Variants in GRM5 observed in about 807,000 individuals in gnomAD.
GRM5 encodes metabotropic glutamate receptor 5.
In GRM5, 19 loss-of-function variants were observed where a neutral mutation model predicts 83.1. The observed-to-expected ratio is 0.23, with a 90% CI of 0.16 to 0.34. The LOEUF is 0.34. Ranked by LOEUF, GRM5 falls within the 10% of genes least tolerant of loss-of-function variation. GRM5 has a pLI of 1.00. For missense variants in GRM5, 1,160 were observed against 1,588.3 expected (o/e 0.73, Z 4.58); for synonymous variants, 675 against 633.6 (o/e 1.07, Z -0.98).
At chr11:88,683,376 A>G (rs1259975964) in intron 3 of GRM5, among the ~76,000 whole-genome samples, 1 of 152,242 alleles carries the variant, frequency 6.6e-6, no homozygotes, top group Non-Finnish European at 1.5e-5. Flanking sequence ...CTAGTGGTAC[A>G]TCATGTAAAC....
chr11:88,637,354 A>G (rs1486467962), intron 4 of GRM5, among the ~76,000 whole-genome samples: 1 of 151,358 alleles, frequency 6.6e-6, no homozygotes, highest in African/African-American at 2.4e-5. Flanking sequence ...AACTACCATC[A>G]GAGTGAACAG....
In GRM5 at chr11:88,592,686, T is replaced by C. The variant is rs552058339; in HGVS notation, c.1564-1959A>G. Reference sequence around the variant, plus strand: ...AGTGATAACTTAATATGTTTTCCTCTGATAATTTAGAAATTGTTTTATGTT... The same window carrying C: ...AGTGATAACTTAATATGTTTTCCTCCGATAATTTAGAAATTGTTTTATGTT... On this transcript the variant is annotated intron_variant, in intron 6 of 9. Coordinates refer to ENST00000305447, the MANE Select transcript of GRM5 (RefSeq NM_001143831.3). 9.1e-4 allele frequency among the ~76,000 whole-genome samples: 138 copies of C among 152,376 alleles called. 1 individual carries two copies. The highest frequency in any genetic ancestry group is 3.3e-3 in the African/African-American group (138 of 41,594).
intron 3 of GRM5, among the ~76,000 whole-genome samples, chr11:88,685,640 C>T (rs1486326248): frequency 1.3e-5 from 2 of 152,238 alleles, no homozygotes; most frequent in South Asian, 2.1e-4. Context: ...TGGGCCTGGC[C>T]CAGGGTCCCA....
intron 6 of GRM5, among the ~76,000 whole-genome samples, chr11:88,592,793 A>C (rs933415411): frequency 6.6e-6 from 1 of 152,064 alleles, no homozygotes; most frequent in African/African-American, 2.4e-5. Context: ...AACATTCTGG[A>C]AGTAGTGGTG....
At chr11:88,601,390 T>C (rs1257555923) in intron 5 of GRM5, among the ~76,000 whole-genome samples, 1 of 152,126 alleles carries the variant, frequency 6.6e-6, no homozygotes, top group Non-Finnish European at 1.5e-5. Context: ...TTCTTTTCTT[T>C]CTTTCTCTCT....
chr11:88,874,868 A>C (rs1334057330), intron 2 of GRM5, among the ~76,000 whole-genome samples: 1 of 151,936 alleles, frequency 6.6e-6, no homozygotes, highest in Non-Finnish European at 1.5e-5. Context: ...GTGCTATAAC[A>C]TTAGGTTTAA....
At chr11:88,900,793 AAGAT>A (rs955764076) in intron 2 of GRM5, among the ~76,000 whole-genome samples, 5 of 152,172 alleles carry the variant, frequency 3.3e-5, no homozygotes, top group Non-Finnish European at 7.4e-5. Context: ...AATAAATACT[AAGAT>A]AGAGGTAAGC....
At chr11:88,824,518 G>A (rs900251323) in intron 3 of GRM5, among the ~76,000 whole-genome samples, 24 of 152,122 alleles carry the variant, frequency 1.6e-4, no homozygotes, top group Admixed American at 9.2e-4. Flanking sequence ...ACAGTGGGGC[G>A]GGGCAGGGGG....
At chr11:89,038,018 T>C (rs189715987) in intron 2 of GRM5, among the ~76,000 whole-genome samples, 1 of 152,294 alleles carries the variant, frequency 6.6e-6, no homozygotes, top group Non-Finnish European at 1.5e-5. Flanking sequence ...TTTACTCTAG[T>C]CTATTTTAAT....
intron 2 of GRM5, among the ~76,000 whole-genome samples, chr11:89,012,870 T>C (rs1254412006): frequency 6.6e-6 from 1 of 152,202 alleles, no homozygotes; most frequent in Admixed American, 6.5e-5. Context: ...CTCAGTGCTC[T>C]ATCTATTATT....
At chr11:88,666,897 A>G (rs72643306) in intron 3 of GRM5, among the ~76,000 whole-genome samples, 3,186 of 152,296 alleles carry the variant, frequency 0.021, 90 homozygotes, top group East Asian at 0.12. Context: ...AAATGGACAG[A>G]CATATAAAGC....
At chr11:88,711,400 A>C (rs1363638088) in intron 3 of GRM5, among the ~76,000 whole-genome samples, 2 of 152,128 alleles carry the variant, frequency 1.3e-5, no homozygotes, top group East Asian at 3.9e-4. Flanking sequence ...GCAAGGAAAA[A>C]GGGAGAGTGG....
intron 3 of GRM5, among the ~76,000 whole-genome samples, chr11:88,802,195 C>T (rs2135487512): frequency 6.6e-6 from 1 of 152,214 alleles, no homozygotes; most frequent in East Asian, 1.9e-4. Flanking sequence ...CTAAGAAAAA[C>T]ACTTCTTCTG....
chr11:88,879,143 A>G (rs1408935699), intron 2 of GRM5, among the ~76,000 whole-genome samples: 1 of 152,096 alleles, frequency 6.6e-6, no homozygotes, highest in Non-Finnish European at 1.5e-5. Context: ...TGTGAGGAAA[A>G]ATTTTGTATA....
At chr11:88,660,493 T>C (rs889706977) in intron 3 of GRM5, among the ~76,000 whole-genome samples, 1 of 152,222 alleles carries the variant, frequency 6.6e-6, no homozygotes, top group African/African-American at 2.4e-5. Flanking sequence ...CCCATGGTGC[T>C]ACCTGCCATA....
intron 1 of GRM5, among the ~76,000 whole-genome samples, chr11:89,063,808 G>C (rs2135176973): frequency 6.6e-6 from 1 of 152,278 alleles, no homozygotes; most frequent in African/African-American, 2.4e-5. Context: ...GTTCCTTTAG[G>C]AACATAGACT....
intron 2 of GRM5, among the ~76,000 whole-genome samples, chr11:89,043,131 C>T (rs1225035987): frequency 6.6e-6 from 1 of 152,146 alleles, no homozygotes; most frequent in Non-Finnish European, 1.5e-5. Flanking sequence ...TATTTATCCA[C>T]ATACTATATA....
At chr11:88,769,303 G>A (rs1006254855) in intron 3 of GRM5, among the ~76,000 whole-genome samples, 1 of 152,004 alleles carries the variant, frequency 6.6e-6, no homozygotes, top group Non-Finnish European at 1.5e-5. Flanking sequence ...TATAGATATA[G>A]ATCGTTACAT....
intron 1 of GRM5, among the ~76,000 whole-genome samples, chr11:89,064,132 TTA>T (rs1038979576): frequency 2.9e-4 from 44 of 152,136 alleles, no homozygotes; most frequent in African/African-American, 1.0e-3. Flanking sequence ...TACATTGCAT[TTA>T]TGTTTTACTC....
Sources: gnomAD v4.1 joint callset for allele counts (sites outside exome capture counted in the v4.1 genomes callset) on GRCh38, gnomAD v4.1.1 for gene constraint, MANE v1.5 for transcripts, NCBI Gene and HGNC (gene_info 2026-07-23, HGNC 2026-07-21) for gene names.